Variants in HMCN2 observed in about 807,000 individuals in gnomAD.
HMCN2 encodes hemicentin-2.
Under a neutral mutation model 377.5 loss-of-function variants are expected in HMCN2, and 325 were observed. The observed-to-expected ratio is 0.86, with a 90% CI of 0.79 to 0.94. The LOEUF (loss-of-function observed/expected upper bound fraction) is 0.94, where lower values mean the gene tolerates loss of function less well. HMCN2 is among the 40% of genes least tolerant of loss of function. The probability of loss-of-function intolerance (pLI) is 0.00; values close to 1 mark genes in which losing one functional copy is unlikely to be tolerated. For missense variants in HMCN2, 4,543 were observed against 4,725.3 expected (o/e 0.96, Z 1.13); for synonymous variants, 2,007 against 2,046.8 (o/e 0.98, Z 0.53).
In HMCN2 at chr9:130,341,344, G is replaced by A. The variant is rs2131476754; in HGVS notation, c.3721G>A (p.Glu1241Lys). The change falls in exon 24 of 98, where the codon GAG becomes AAG. Residue 1241 changes from glutamate (E) to lysine (K), a missense_variant. By Grantham distance (56) the Glu-to-Lys change is moderately conservative (BLOSUM62 1). Transcript: ENST00000683500. ...ASNSAGVDAW[E>K]VELRVLEPPH... ...CAACAGCGCCGGGGTGGATGCCTGG[G>A]AGGTGGAGCTCAGGGTGCTGGGTGA... The A allele has an allele frequency of 6.6e-6, 1 of 152,444 alleles. No homozygotes were observed. The highest frequency in any genetic ancestry group is 1.9e-4 in the East Asian group (1 of 5,166). 9.4% of individuals were successfully genotyped at this position (152,444 alleles called of 1,614,324 possible). A position where few individuals can be genotyped will look rare whatever the true frequency, so the allele number is the denominator to read the frequency against.
intron 84 of HMCN2, among the ~76,000 whole-genome samples, chr9:130,409,505 G>A (rs1224455890): frequency 6.6e-6 from 1 of 152,186 alleles, no homozygotes; most frequent in African/African-American, 2.4e-5. Flanking sequence ...TTCATCTTAG[G>A]GGCCTTGATC....
chr9:130,386,707 A>T (rs1411215619), intron 61 of HMCN2, among the ~76,000 whole-genome samples, 183 bp downstream of exon 61: 3 of 152,214 alleles, frequency 2.0e-5, no homozygotes, highest in African/African-American at 7.2e-5. Flanking sequence ...ATGGGGCCTC[A>T]TTATGTTGCC....
chr9:130,303,649 C>T lies in HMCN2; in HGVS notation c.1543+41C>T, dbSNP rs1414095184. ...CCCCTCCATGTACCCCTTCCTTACC[C>T]TCTTCTTGGGTTCTTACCCCTAGGA... On this transcript the variant is annotated intron_variant, in intron 10 of 97. Coordinates refer to ENST00000683500, the MANE Select transcript of HMCN2 (RefSeq NM_001291815.2). This position sits in a 1 kb window ranked among gnomAD's most constrained non-coding sequence, Gnocchi z 5.2. 4.4e-6 allele frequency: 1 copy of T among 226,490 alleles called. No homozygotes were observed. The highest frequency in any genetic ancestry group is 4.5e-5 in the South Asian group (1 of 22,094). The allele number at this position is 226,490 out of a possible 1,614,324, so 14.0% of individuals were successfully genotyped here.
intron 3 of HMCN2, 57 bp from the exon 4 acceptor site, chr9:130,286,131 C>T (rs1554927556): frequency 6.4e-6 from 3 of 465,392 alleles, no homozygotes; most frequent in South Asian, 3.1e-5. Context: ...TCCTGCTGCT[C>T]ACCCCTGAAG....
At chr9:130,328,468 C>T (rs1006038775) in intron 22 of HMCN2, among the ~76,000 whole-genome samples, 5 of 152,208 alleles carry the variant, frequency 3.3e-5, no homozygotes, top group South Asian at 4.1e-4. Context: ...CACCCCTCCT[C>T]GCCGTGGTGC....
In HMCN2 at chr9:130,382,270, T is replaced by A; in HGVS notation, c.8518T>A (p.Trp2840Arg). Residue 2840 changes from tryptophan (W) to arginine (R), a missense_variant, in exon 55 of 98, where the codon TGG becomes AGG. Physicochemically the swap from Trp to Arg is moderately radical, Grantham distance 101. This residue lies in a region of HMCN2 where 736 missense variants were observed against 773.2 expected (regional missense o/e 0.95). Transcript: ENST00000683500. Reference protein sequence around the residue: ...CKASNEVGEDWLHYELLVLTP... With the variant: ...CKASNEVGEDRLHYELLVLTP... ...GGCCTCCAACGAGGTGGGCGAGGAC[T>A]GGCTGCACTACGAGCTGCTGGTGCT... is the stretch of plus-strand genomic sequence containing the variant. 2 of 985,864 alleles carry A rather than the reference T, an allele frequency of 2.0e-6. No homozygotes were observed. The highest frequency in any genetic ancestry group is 2.4e-6 in the Non-Finnish European group (2 of 829,928). The allele number at this position is 985,864 out of a possible 1,614,324, so 61.1% of individuals were successfully genotyped here. A position where few individuals can be genotyped will look rare whatever the true frequency, so the allele number is the denominator to read the frequency against.
chr9:130,267,476 A>ACACGCGCGCG (rs1265312371), intron 1 of HMCN2, among the ~76,000 whole-genome samples: 11 of 149,818 alleles, frequency 7.3e-5, no homozygotes, highest in African/African-American at 2.7e-4. Flanking sequence ...ACACACACAC[A>ACACGCGCGCG]CGCACAGATT....
intron 89 of HMCN2, among the ~76,000 whole-genome samples, chr9:130,425,415 T>C (rs1255762743): frequency 6.6e-6 from 1 of 151,988 alleles, no homozygotes; most frequent in African/African-American, 2.4e-5. Context: ...CCCAGCTGGT[T>C]AGAAGAGGCT....
intron 52 of HMCN2, 93 bp downstream of exon 52, chr9:130,376,751 C>T: frequency 7.8e-6 from 6 of 771,560 alleles, no homozygotes; most frequent in Non-Finnish European, 9.5e-6. Context: ...TCCCTTAAAG[C>T]ACCTAGCCCT....
At chr9:130,408,543 T>G (rs916928919) in intron 83 of HMCN2, among the ~76,000 whole-genome samples, 200 bp from the exon 84 acceptor site, 4 of 152,228 alleles carry the variant, frequency 2.6e-5, no homozygotes, top group Non-Finnish European at 5.9e-5. Context: ...GGAAAGTCTT[T>G]GCCAGTCTTT....
chr9:130,368,856 G>A (rs1014087363), intron 44 of HMCN2, among the ~76,000 whole-genome samples: 4 of 152,144 alleles, frequency 2.6e-5, no homozygotes, highest in African/African-American at 9.7e-5. Flanking sequence ...CCGCCCAGAT[G>A]ATCCAATCAC....
At chr9:130,297,307 T>TG (rs138507069) in intron 7 of HMCN2, among the ~76,000 whole-genome samples, 1,573 of 152,068 alleles carry the variant, frequency 0.01, 12 homozygotes, top group Middle Eastern at 0.024. Context: ...TGGAGGAGCC[T>TG]GGGGGGGATA....
chr9:130,339,537 T>G (rs1354574238), intron 23 of HMCN2, among the ~76,000 whole-genome samples: 7 of 152,190 alleles, frequency 4.6e-5, no homozygotes, highest in African/African-American at 1.7e-4. Flanking sequence ...CAGAGCTGGG[T>G]TTGAGTCCTG....
intron 86 of HMCN2, chr9:130,419,357 G>A (rs186447794): frequency 9.7e-4 from 230 of 238,058 alleles, no homozygotes; most frequent in African/African-American, 3.4e-3. Context: ...GGGCATCCCC[G>A]GTGCCCTCGG....
chr9:130,299,165 C>T lies in HMCN2; in HGVS notation c.1153C>T (p.Leu385=), dbSNP rs1554933286. The change falls in exon 8 of 98, where the codon CTG becomes TTG. Residue 385 remains leucine, a synonymous_variant. Coordinates refer to ENST00000683500, the MANE Select transcript of HMCN2 (RefSeq NM_001291815.2). Reference sequence around the variant, plus strand: ...CCTCTCCAATGGCTCCACCCATCAGCTGTGGGGCGGGCCGCCCTTCCACAC... The same window carrying T: ...CCTCTCCAATGGCTCCACCCATCAGTTGTGGGGCGGGCCGCCCTTCCACAC... ...KPLSNGSTHQ[L]WGGPPFHTPK... is the part of the protein sequence containing the mutation. 2 of 471,214 alleles carry T rather than the reference C, an allele frequency of 4.2e-6. No individual in the cohort carries two copies. The highest frequency in any genetic ancestry group is 4.7e-5 in the Admixed American group (2 of 42,582). The allele number at this position is 471,214 out of a possible 1,614,324, so 29.2% of individuals were successfully genotyped here.
chr9:130,332,582 C>T (rs1393515164), intron 22 of HMCN2, among the ~76,000 whole-genome samples: 4 of 152,344 alleles, frequency 2.6e-5, no homozygotes, highest in East Asian at 3.9e-4. Flanking sequence ...TTACGCTCTC[C>T]GGGCTCGTGC....
intron 1 of HMCN2, among the ~76,000 whole-genome samples, chr9:130,269,658 C>G (rs782410023): frequency 6.7e-6 from 1 of 148,674 alleles, no homozygotes; most frequent in Non-Finnish European, 1.5e-5. Context: ...ATATGTCTTT[C>G]AAGCGTTCAC....
rs753644651 is a variant in HMCN2 at position 130,397,646 on chromosome 9, C to T, written c.11317C>T (p.Arg3773Trp). The T allele has an allele frequency of 2.6e-5, 33 of 1,289,794 alleles. No individual in the cohort carries two copies. Among genetic ancestry groups the T allele is most frequent in the Middle Eastern group, 2.1e-4 (1 of 4,688 alleles). The allele number at this position is 1,289,794 out of a possible 1,614,324, so 79.9% of individuals were successfully genotyped here. The change falls in exon 74 of 98, where the codon CGG (arginine) becomes TGG (tryptophan). Residue 3773 changes from arginine to tryptophan, a missense_variant. Physicochemically the swap from Arg to Trp is moderately radical, Grantham distance 101. Transcript: ENST00000683500. Reference protein sequence around the residue: ...AGSDRQGRDLRVLEPPAIAPS... With the variant: ...AGSDRQGRDLWVLEPPAIAPS... ...CTCCGATCGTCAAGGCCGTGACCTA[C>T]GGGTCTTGGGTAGGTGGCCTGGGGA...
At position 130,348,633 on chromosome 9, in the gene HMCN2, C is replaced by A; in HGVS notation, c.4113C>A (p.Gly1371=). ...QSLTLECDAN[G]FPVPEIVWLK... is the part of the protein sequence containing the mutation. ...TGACGCTGGAGTGTGACGCGAACGGCTTTCCAGTCCCTGAGATCGTGTGGC... is the reference window on the plus strand; with the variant it reads ...TGACGCTGGAGTGTGACGCGAACGGATTTCCAGTCCCTGAGATCGTGTGGC... Residue 1371 remains glycine (G), a synonymous_variant, in exon 27 of 98, where the codon GGC becomes GGA. Coordinates refer to ENST00000683500, the MANE Select transcript of HMCN2 (RefSeq NM_001291815.2). 1 of 1,298,124 alleles carries A rather than the reference C, an allele frequency of 7.7e-7. No individual in the cohort carries two copies. Among genetic ancestry groups the A allele is most frequent in the Middle Eastern group, 2.1e-4 (1 of 4,692 alleles). The allele number at this position is 1,298,124 out of a possible 1,614,324, so 80.4% of individuals were successfully genotyped here.
Sources: gnomAD v4.1 joint callset for allele counts (sites outside exome capture counted in the v4.1 genomes callset) on GRCh38, gnomAD v4.1.1 for gene constraint, gnomAD v4.1.1 regional missense constraint, Gnocchi (gnomAD v3.1) non-coding constraint, MANE v1.5 for transcripts, NCBI Gene and HGNC (gene_info 2026-07-23, HGNC 2026-07-21) for gene names.